JAKMIP3: variants seen among roughly 807,000 people sequenced by gnomAD.
JAKMIP3 encodes Janus kinase and microtubule interacting protein 3.
A neutral mutation model predicts 118.5 loss-of-function variants in JAKMIP3; 58 were observed. The observed-to-expected ratio is 0.49, with a 90% CI of 0.40 to 0.61. The LOEUF is 0.61. Among genes scored for constraint, JAKMIP3 ranks in the 20% least tolerant of loss-of-function variants. The pLI, the probability that JAKMIP3 is intolerant of heterozygous loss-of-function variation, is 0.00. For missense variants in JAKMIP3, 950 were observed against 1,109.0 expected (o/e 0.86, Z 2.04); for synonymous variants, 486 against 451.2 (o/e 1.08, Z -0.98).
chr10:132,127,852 T>C (rs927916672), intron 3 of JAKMIP3, among the ~76,000 whole-genome samples: 1 of 152,182 alleles, frequency 6.6e-6, no homozygotes, highest in Admixed American at 6.5e-5. Context: ...CTATCATAAA[T>C]TAGTAATTTT....
chr10:132,162,195 G>A (rs1229633068), intron 19 of JAKMIP3, among the ~76,000 whole-genome samples: 1 of 152,202 alleles, frequency 6.6e-6, no homozygotes, highest in Non-Finnish European at 1.5e-5. Flanking sequence ...GCTCTTTATG[G>A]CAGGGGCTAG....
In JAKMIP3 at chr10:132,163,316, C is replaced by T. The variant is rs141629523; in HGVS notation, c.2328C>T (p.Ala776=). Residue 776 remains alanine (A), a synonymous_variant, in exon 20 of 24, where the codon GCC becomes GCT. Transcript: ENST00000684848. The part of the protein sequence containing the change: ...SEEEREKLKV[A]VEQWKRQVMS... ...AGGAGCGCGAGAAGCTCAAGGTGGC[C>T]GTGGAGCAGTGGAAGCGCCAGGTCA... 204 of 1,609,022 alleles carry T rather than the reference C, an allele frequency of 1.3e-4. 1 individual carries two copies. Among genetic ancestry groups the T allele is most frequent in the South Asian group, 9.6e-4 (86 of 89,998 alleles).
chr10:132,140,987 G>A (rs1390294202), intron 10 of JAKMIP3, among the ~76,000 whole-genome samples: 1 of 152,218 alleles, frequency 6.6e-6, no homozygotes, highest in Non-Finnish European at 1.5e-5. Context: ...TAGGGTGAGG[G>A]GTGTTGAGCA....
chr10:132,170,696 G>A (rs2059407687), intron 23 of JAKMIP3, among the ~76,000 whole-genome samples: 1 of 152,214 alleles, frequency 6.6e-6, no homozygotes, highest in African/African-American at 2.4e-5. Flanking sequence ...CGTCATCAGG[G>A]AGGGGCAGCC....
rs777525762 is a variant in JAKMIP3 at position 132,117,094 on chromosome 10, C to T, written c.153C>T (p.Arg51=). The change falls in exon 3 of 24, where the codon CGC becomes CGT. Residue 51 remains arginine, a synonymous_variant. Coordinates refer to ENST00000684848, the MANE Select transcript of JAKMIP3 (RefSeq NM_001323087.2). The surrounding 1 kb of genome is among the most constrained non-coding windows in gnomAD (Gnocchi z 8.6). ...TCTTTCAGGTCAGCAAAGTGGAACG[C>T]GAGAAGAACCAGGAGCTGCGGCAGG... is the stretch of plus-strand genomic sequence containing the variant. ...QEKSKVSKVE[R]EKNQELRQVR... The T allele has an allele frequency of 1.0e-5, 16 of 1,607,378 alleles. No homozygotes were observed. The Admixed American group carries it at 1.0e-4, about 10-fold the overall frequency.
intron 1 of JAKMIP3, among the ~76,000 whole-genome samples, chr10:132,099,562 G>T (rs1467569543): frequency 6.6e-6 from 1 of 152,218 alleles, no homozygotes; most frequent in Non-Finnish European, 1.5e-5. Flanking sequence ...GTCTACGGGG[G>T]TTTGGGGAGG....
At chr10:132,172,288 C>G (rs1422272838) in intron 23 of JAKMIP3, among the ~76,000 whole-genome samples, 1 of 152,026 alleles carries the variant, frequency 6.6e-6, no homozygotes, top group Non-Finnish European at 1.5e-5. Context: ...CCAGGGTGCC[C>G]GAGATGGGTG....
intron 1 of JAKMIP3, among the ~76,000 whole-genome samples, chr10:132,037,816 G>T (rs2037561711): frequency 6.6e-6 from 1 of 152,220 alleles, no homozygotes; most frequent in Admixed American, 6.5e-5. Flanking sequence ...GGCTTCAGTT[G>T]CCTGGGCCGC....
chr10:132,046,742 C>T (rs947502853), intron 1 of JAKMIP3, among the ~76,000 whole-genome samples: 1 of 152,176 alleles, frequency 6.6e-6, no homozygotes, highest in Admixed American at 6.5e-5. Context: ...CCCAGGTTCT[C>T]CTAAGGTTTT....
intron 1 of JAKMIP3, among the ~76,000 whole-genome samples, chr10:132,099,833 A>G (rs2044547327): frequency 6.6e-6 from 1 of 152,084 alleles, no homozygotes. Flanking sequence ...TCGGCACCCC[A>G]AACCCCTCGC....
chr10:132,102,165 C>A (rs189674922), intron 1 of JAKMIP3, among the ~76,000 whole-genome samples: 1 of 152,280 alleles, frequency 6.6e-6, no homozygotes, highest in African/African-American at 2.4e-5. Flanking sequence ...CCAGCCGAGC[C>A]CCCTTTCCTC....
At position 132,071,876 on chromosome 10, in the gene JAKMIP3, C is replaced by CTTTCTTTCT. The variant is rs202017307; in HGVS notation, c.-138+5817_-138+5818insTCTTTCTTT. ...TTCCTTTCTTTCCTTTCTTTCTTTC[C>CTTTCTTTCT]TTCCTTTCTTTCTTTCCTTTCTTTC... On this transcript the variant is annotated intron_variant, in intron 1 of 23. Transcript: ENST00000684848. Among the ~76,000 whole-genome samples the CTTTCTTTCT allele has an allele frequency of 2.4e-4, 10 of 41,900 alleles. No individual in the cohort carries two copies. In the East Asian group the frequency reaches 2.6e-3, roughly 11 times the overall value. The allele number at this position is 41,900 out of a possible 152,430, so 27.5% of individuals were successfully genotyped here. A position where few individuals can be genotyped will look rare whatever the true frequency, so the allele number is the denominator to read the frequency against.
At chr10:132,180,746 C>CGT (rs1386218178) in intron 23 of JAKMIP3, among the ~76,000 whole-genome samples, 124 of 10,746 alleles carry the variant, frequency 0.012, 53 homozygotes, top group Non-Finnish European at 0.021. Context: ...TGCGTGCGTG[C>CGT]GCGCGCGTGT....
chr10:132,148,132 C>CTGAACATGAACATGAACA (rs111344225), intron 14 of JAKMIP3, 82 bp downstream of exon 14: 21 of 598,718 alleles, frequency 3.5e-5, no homozygotes, highest in African/African-American at 9.0e-5. Context: ...ACACAAAGCC[C>CTGAACATGAACATGAACA]TGAACATGAA....
In JAKMIP3 at chr10:132,051,496, C is replaced by A. The variant is rs189129405; in HGVS notation, c.-138+14758C>A. Among the ~76,000 whole-genome samples, 66 of 152,232 alleles carry A rather than the reference C, an allele frequency of 4.3e-4. 1 individual carries two copies. The Middle Eastern group carries it at 0.01, about 24-fold the overall frequency. On this transcript the variant is annotated intron_variant, in intron 1 of 23. Coordinates refer to the JAKMIP3 transcript ENST00000657785. ...TGCCTGCTCATGATTCTGGGGGCTT[C>A]TTTACATCTGTTGGACATTTGTACA... is the stretch of plus-strand genomic sequence containing the variant.
chr10:132,183,620 C>T lies in JAKMIP3; in HGVS notation c.*2367C>T, dbSNP rs556511320. The T allele has an allele frequency of 2.0e-5, 3 of 152,310 alleles. No homozygotes were observed. The South Asian group carries it at 6.2e-4, about 32-fold the overall frequency. 9.4% of individuals were successfully genotyped at this position (152,310 alleles called of 1,614,324 possible). A position where few individuals can be genotyped will look rare whatever the true frequency, so the allele number is the denominator to read the frequency against. On this transcript the variant is annotated 3_prime_UTR_variant, in exon 24 of 24. Coordinates refer to ENST00000684848, the MANE Select transcript of JAKMIP3 (RefSeq NM_001323087.2). ...ATGTATATAGGAACGGGAGAAGGTG[C>T]AAGGAATGTGCTGAATAACATCCAA...
chr10:132,138,041 A>G, intron 8 of JAKMIP3, 78 bp from the exon 9 acceptor site: 1 of 1,334,062 alleles, frequency 7.5e-7, no homozygotes, highest in East Asian at 2.5e-5. Flanking sequence ...AAATGATGGC[A>G]CACGGGCAGT....
At position 132,183,588 on chromosome 10, in the gene JAKMIP3, A is replaced by G. The variant is rs2061644504; in HGVS notation, c.*2335A>G. 1 of 152,256 alleles carries G rather than the reference A, an allele frequency of 6.6e-6. No individual in the cohort carries two copies. The allele number at this position is 152,256 out of a possible 1,614,324, so 9.4% of individuals were successfully genotyped here. On this transcript the variant is annotated 3_prime_UTR_variant, in exon 24 of 24. Transcript: ENST00000684848. ...TATGAAGTTGTAATTGTTTATATGTAAAAAGTATGTATATAGGAACGGGAG... is the reference window on the plus strand; with the variant it reads ...TATGAAGTTGTAATTGTTTATATGTGAAAAGTATGTATATAGGAACGGGAG...
chr10:132,064,881 C>T (rs554116685), upstream of JAKMIP3, among the ~76,000 whole-genome samples: 366 of 152,246 alleles, frequency 2.4e-3, 1 homozygote, highest in Non-Finnish European at 4.2e-3. The surrounding 1 kb of genome is among the most constrained non-coding windows in gnomAD (Gnocchi z 4.4). Flanking sequence ...TGATGCCTGC[C>T]GGTCTCAGCT....
Sources: gnomAD v4.1 joint callset for allele counts (sites outside exome capture counted in the v4.1 genomes callset) on GRCh38, gnomAD v4.1.1 for gene constraint, Gnocchi (gnomAD v3.1) non-coding constraint, MANE v1.5 for transcripts, NCBI Gene and HGNC (gene_info 2026-07-23, HGNC 2026-07-21) for gene names.